Variants in RASGRP4 observed in about 807,000 individuals in gnomAD.
The protein encoded by RASGRP4 is RAS guanyl-releasing protein 4.
In RASGRP4, 52 loss-of-function variants were observed where a neutral mutation model predicts 84.4. The observed-to-expected ratio is 0.62, with a 90% CI of 0.49 to 0.78. RASGRP4 has a LOEUF of 0.78. Ranked by LOEUF, RASGRP4 falls within the 30% of genes least tolerant of loss-of-function variation. The probability of loss-of-function intolerance (pLI) is 0.00; values close to 1 mark genes in which losing one functional copy is unlikely to be tolerated. For synonymous variants in RASGRP4, 356 were observed against 359.1 expected (o/e 0.99, Z 0.10); for missense variants, 760 against 886.9 (o/e 0.86, Z 1.82).
chr19:38,411,281 G>A, intron 14 of RASGRP4, 32 bp from the exon 15 acceptor site: 1 of 1,613,438 alleles, frequency 6.2e-7, no homozygotes, highest in Non-Finnish European at 8.5e-7. Flanking sequence ...GGTCCGATCT[G>A]TGTCATCCAT....
rs906587237 is a variant in RASGRP4, at chr19:38,413,538, A to T, written c.1231-64T>A. On this transcript the variant is annotated intron_variant, in intron 9 of 16. Transcript: ENST00000615439. The surrounding 1 kb of genome is among the most constrained non-coding windows in gnomAD (Gnocchi z 4.7). ...AGCCCTGCCCCAGACCCCCACACCC[A>T]CTCGCAGGCTCTTCCCAAAGCCCCT... The T allele has an allele frequency of 6.6e-6, 9 of 1,360,770 alleles. No homozygotes were observed. Among genetic ancestry groups the T allele is most frequent in the Non-Finnish European group, 7.2e-6 (7 of 974,962 alleles). The allele number at this position is 1,360,770 out of a possible 1,614,324, so 84.3% of individuals were successfully genotyped here. A position where few individuals can be genotyped will look rare whatever the true frequency, so the allele number is the denominator to read the frequency against.
chr19:38,420,246 G>T lies in RASGRP4; in HGVS notation c.394C>A (p.His132Asn). The change falls in exon 5 of 17, where the codon CAC (histidine) becomes AAC (asparagine). Residue 132 changes from histidine (H) to asparagine (N), a missense_variant. Transcript: ENST00000615439. ...GGATCCTGGTGCATCACCTCAGGGT[G>T]TCGCATCAGCCAGTACCTGAGAGTG... is the stretch of plus-strand genomic sequence containing the variant. ...CHLVRYWLMR[H>N]PEVMHQDPQL... 6.2e-7 allele frequency: 1 copy of T among 1,613,378 alleles called. No homozygotes were observed. The highest frequency in any genetic ancestry group is 8.5e-7 in the Non-Finnish European group (1 of 1,179,656).
Position 38,420,947 on chromosome 19 carries a change from G to C in RASGRP4, c.338C>G (p.Thr113Ser). The C allele has an allele frequency of 1.2e-6, 2 of 1,613,914 alleles. No homozygotes were observed. The stretch of plus-strand genomic sequence containing the variant: ...GATCTGCAGCCGTCTCAGCTCCTGG[G>C]TGTCCCCTGTGGCCTTCTGGTATTT... ...LTSYQKATGDTQELRRLQICH... is the reference protein window; with the variant it reads ...LTSYQKATGDSQELRRLQICH... Residue 113 changes from threonine to serine, a missense_variant, in exon 4 of 17, where the codon ACC (threonine) becomes AGC (serine). Transcript: ENST00000615439.
rs1300106948 is a variant in RASGRP4 at position 38,417,282 on chromosome 19, G to A, written c.838-114C>T. On this transcript the variant is annotated intron_variant, in intron 7 of 16. Transcript: ENST00000615439. This position sits in a 1 kb window ranked among gnomAD's most constrained non-coding sequence, Gnocchi z 5.1. ...CCAGGCATGTGTGGACCAATGTGGG[G>A]ATCAGACAGGTGAGAGAAGGCGGGT... 8.5e-6 allele frequency: 6 copies of A among 701,764 alleles called. No homozygotes were observed. The highest frequency in any genetic ancestry group is 1.5e-5 in the Non-Finnish European group (6 of 388,860). The allele number at this position is 701,764 out of a possible 1,614,324, so 43.5% of individuals were successfully genotyped here. A position where few individuals can be genotyped will look rare whatever the true frequency, so the allele number is the denominator to read the frequency against.
rs200303204 is a variant in RASGRP4 at position 38,411,204 on chromosome 19, A to G, written c.1763T>C (p.Val588Ala). Residue 588 changes from valine (V) to alanine (A), a missense_variant, in exon 15 of 17, where the codon GTA becomes GCA. Physicochemically the swap from Val to Ala is moderately conservative, Grantham distance 64 (BLOSUM62 0). Transcript: ENST00000615439. ...GGCCCCTGGCCTCTTCTTACATTCT[A>G]CCTTCACCTGGTCTCTGCAGTGTTT... is the stretch of plus-strand genomic sequence containing the variant. ...CHKHCRDQVK[V>A]ECKKRPGAKG... The G allele has an allele frequency of 4.8e-5, 78 of 1,613,590 alleles. No homozygotes were observed. The East Asian group carries it at 9.1e-4, about 19-fold the overall frequency.
At chr19:38,415,942 C>A (rs961994246) in intron 8 of RASGRP4, among the ~76,000 whole-genome samples, 3 of 151,074 alleles carry the variant, frequency 2.0e-5, no homozygotes, top group Non-Finnish European at 3.0e-5. Context: ...GCCTGTAATC[C>A]CAGCTACTCG....
chr19:38,415,508 G>T (rs934080030), intron 8 of RASGRP4, among the ~76,000 whole-genome samples: 1 of 151,558 alleles, frequency 6.6e-6, no homozygotes, highest in Non-Finnish European at 1.5e-5. Context: ...AAGAAGCTGG[G>T]ATTACAGGCA....
intron 1 of RASGRP4, among the ~76,000 whole-genome samples, chr19:38,424,456 G>A (rs1270376721): frequency 1.3e-5 from 2 of 151,946 alleles, no homozygotes; most frequent in Non-Finnish European, 2.9e-5. Context: ...GTCTTGCTCT[G>A]TCTCCCAGGC....
In RASGRP4 at chr19:38,414,834, C is replaced by A; in HGVS notation, c.1230+14G>T. 2 of 1,572,980 alleles carry A rather than the reference C, an allele frequency of 1.3e-6. No homozygotes were observed. The highest frequency in any genetic ancestry group is 1.9e-5 in the Admixed American group (1 of 53,652). On this transcript the variant is annotated intron_variant, in intron 9 of 16. Coordinates refer to ENST00000615439, the MANE Select transcript of RASGRP4 (RefSeq NM_170604.3). ...CCTTGGAAGCCCAGCCTGGGCGGGG[C>A]CAGGGGGGCTCACCGTGAGCAGGTG...
intron 8 of RASGRP4, 107 bp from the exon 9 acceptor site, chr19:38,415,230 A>G: frequency 9.5e-7 from 1 of 1,047,218 alleles, no homozygotes; most frequent in Non-Finnish European, 1.4e-6. Flanking sequence ...CATTGTGGAA[A>G]CCTCTGGAGC....
Position 38,420,990 on chromosome 19 carries a change from C to T in RASGRP4, c.315-20G>A. On this transcript the variant is annotated intron_variant, in intron 3 of 16. Coordinates refer to ENST00000615439, the MANE Select transcript of RASGRP4 (RefSeq NM_170604.3). ...TGGTATTTGAGTTCTGGTCAAGGCT[C>T]TGTTTTCCAGGATCCATGACCTGCC... 6.2e-7 allele frequency: 1 copy of T among 1,613,858 alleles called. No homozygotes were observed. Among genetic ancestry groups the T allele is most frequent in the Non-Finnish European group, 8.5e-7 (1 of 1,179,762 alleles).
intron 6 of RASGRP4, among the ~76,000 whole-genome samples, chr19:38,419,267 C>A (rs1971635326): frequency 6.6e-6 from 1 of 152,126 alleles, no homozygotes; most frequent in African/African-American, 2.4e-5. Context: ...TACCCTGGAC[C>A]AGGCACTGTT....
chr19:38,422,228 T>G, intron 1 of RASGRP4, 75 bp from the exon 2 acceptor site: 1 of 1,385,716 alleles, frequency 7.2e-7, no homozygotes, highest in Non-Finnish European at 9.7e-7. Context: ...TTGACTCTAA[T>G]GCCCCAAGGC....
chr19:38,425,292 CA>C (rs1310661403), intron 1 of RASGRP4, among the ~76,000 whole-genome samples: 3 of 152,106 alleles, frequency 2.0e-5, no homozygotes, highest in Non-Finnish European at 4.4e-5. Context: ...GTTTGAGAAC[CA>C]CTGGTCTAGA....
chr19:38,415,070 G>C lies in RASGRP4; in HGVS notation c.1008C>G (p.Tyr336Ter). 6.2e-7 allele frequency: 1 copy of C among 1,602,060 alleles called. No individual in the cohort carries two copies. Among genetic ancestry groups the C allele is most frequent in the Non-Finnish European group, 8.5e-7 (1 of 1,174,720 alleles). Residue 336 changes from tyrosine to a stop codon, truncating the protein, a stop_gained, in exon 9 of 17, where the codon TAC becomes TAG. Coordinates refer to ENST00000615439, the MANE Select transcript of RASGRP4 (RefSeq NM_170604.3). LOFTEE classifies it high-confidence loss of function. ...CCGCGCAGCCAGCCCAGGTGCGGCG[G>C]TAGCGGGCGTAGTTGTTGTGGGAGG... is the stretch of plus-strand genomic sequence containing the variant. ...LLASHNNYAR[Y>*]RRTWAGCAGF...
Position 38,419,952 on chromosome 19 carries a change from G to A in RASGRP4, c.571C>T (p.Arg191Cys), listed in dbSNP as rs1428306763. 4 of 1,613,970 alleles carry A rather than the reference G, an allele frequency of 2.5e-6. No homozygotes were observed. Among genetic ancestry groups the A allele is most frequent in the South Asian group, 2.2e-5 (2 of 91,074 alleles). ...TGGTCGAAAAGCAAGGACACTTTGC[G>A]CTTTTTGCCCAGGCCTGGGCTGCTC... ...PMSSPGLGKK[R>C]KVSLLFDHLE... Residue 191 changes from arginine to cysteine, a missense_variant, in exon 6 of 17, where the codon CGC (arginine) becomes TGC (cysteine). Coordinates refer to ENST00000615439, the MANE Select transcript of RASGRP4 (RefSeq NM_170604.3).
Position 38,412,515 on chromosome 19 carries a change from A to C in RASGRP4, c.1680+157T>G. 1.4e-6 allele frequency: 1 copy of C among 703,894 alleles called. No individual in the cohort carries two copies. The highest frequency in any genetic ancestry group is 2.3e-6 in the Non-Finnish European group (1 of 432,244). 43.6% of individuals were successfully genotyped at this position (703,894 alleles called of 1,614,324 possible). On this transcript the variant is annotated intron_variant, in intron 13 of 16. Transcript: ENST00000615439. This position sits in a 1 kb window ranked among gnomAD's most constrained non-coding sequence, Gnocchi z 4.6. Reference sequence around the variant, plus strand: ...TGGGATTATCTGGCATTTGGAGATTATCCAGGATATAGGGAATGTCTGGTG... The same window carrying C: ...TGGGATTATCTGGCATTTGGAGATTCTCCAGGATATAGGGAATGTCTGGTG...
chr19:38,423,218 C>T (rs1461512146), intron 1 of RASGRP4, among the ~76,000 whole-genome samples: 1 of 152,220 alleles, frequency 6.6e-6, no homozygotes, highest in East Asian at 1.9e-4. Flanking sequence ...CTTCCTCCCA[C>T]AGCCCTCAAG....
chr19:38,415,201 G>A, intron 8 of RASGRP4, 78 bp from the exon 9 acceptor site: 1 of 1,348,022 alleles, frequency 7.4e-7, no homozygotes, highest in Admixed American at 2.5e-5. Context: ...TGGGCTCTAG[G>A]CCTTCAGGGA....
Sources: allele counts gnomAD v4.1 joint callset (sites outside exome capture counted in the v4.1 genomes callset), GRCh38; gene constraint gnomAD v4.1.1; non-coding constraint Gnocchi (gnomAD v3.1); transcripts MANE v1.5; gene names NCBI Gene and HGNC (gene_info 2026-07-23, HGNC 2026-07-21).